MYO9A: variants seen among roughly 807,000 people sequenced by gnomAD.
The protein encoded by MYO9A is myosin IXA.
A neutral mutation model predicts 293.3 loss-of-function variants in MYO9A; 103 were observed. The ratio of observed to expected loss-of-function variants is 0.35; its 90% confidence interval spans 0.30 to 0.41. The LOEUF is 0.41. Ranked by LOEUF, MYO9A falls within the 10% of genes least tolerant of loss-of-function variation. The pLI, the probability that MYO9A is intolerant of heterozygous loss-of-function variation, is 1.00. For missense variants in MYO9A, 2,685 were observed against 3,033.0 expected (o/e 0.89, Z 2.69); for synonymous variants, 1,001 against 1,035.7 (o/e 0.97, Z 0.64).
chr15:71,851,186 T>A, intron 37 of MYO9A, 67 bp downstream of exon 37: 2 of 1,243,890 alleles, frequency 1.6e-6, no homozygotes, highest in Admixed American at 4.0e-5. Flanking sequence ...AATGGAGAAA[T>A]TCCTTATCTA....
At chr15:71,998,312 G>A (rs1221136626) in intron 9 of MYO9A, among the ~76,000 whole-genome samples, 1 of 152,080 alleles carries the variant, frequency 6.6e-6, no homozygotes, top group Non-Finnish European at 1.5e-5. Context: ...AGAATGGGAG[G>A]AGGGAGAGGA....
intron 1 of MYO9A, among the ~76,000 whole-genome samples, chr15:72,098,093 C>T (rs535648088): frequency 1.3e-5 from 2 of 152,234 alleles, no homozygotes; most frequent in East Asian, 3.9e-4. Context: ...CCATCCCACA[C>T]ATACTTTTAC....
At chr15:71,940,035 A>G (rs1030173423) in intron 15 of MYO9A, among the ~76,000 whole-genome samples, 3 of 152,214 alleles carry the variant, frequency 2.0e-5, no homozygotes, top group African/African-American at 7.2e-5. Flanking sequence ...GTTCAAGACA[A>G]GCTGGGCAAC....
chr15:71,870,944 A>G (rs991124561), intron 32 of MYO9A, among the ~76,000 whole-genome samples: 8 of 152,234 alleles, frequency 5.3e-5, no homozygotes, highest in Non-Finnish European at 8.8e-5. Context: ...GAAATATATC[A>G]TTCAACAGTG....
intron 11 of MYO9A, among the ~76,000 whole-genome samples, chr15:71,982,966 CTTT>C (rs1022969968): frequency 1.3e-5 from 2 of 152,024 alleles, no homozygotes; most frequent in African/African-American, 4.8e-5. Flanking sequence ...GCTACAACTG[CTTT>C]TTTTCTTAAG....
chr15:71,859,918 GACAT>G (rs1373767350), intron 33 of MYO9A, 122 bp from the exon 34 acceptor site: 2 of 716,190 alleles, frequency 2.8e-6, no homozygotes, highest in Admixed American at 4.9e-5. Flanking sequence ...GCTGTAATAT[GACAT>G]ACATACTTTG....
At chr15:71,846,089 A>G (rs1420328293) in intron 39 of MYO9A, among the ~76,000 whole-genome samples, 1 of 152,208 alleles carries the variant, frequency 6.6e-6, no homozygotes, top group Non-Finnish European at 1.5e-5. Flanking sequence ...ACAGCTTCCC[A>G]TATGGTGTGA....
chr15:71,921,659 G>C (rs1176358767), intron 18 of MYO9A, among the ~76,000 whole-genome samples: 1 of 152,166 alleles, frequency 6.6e-6, no homozygotes, highest in Non-Finnish European at 1.5e-5. Context: ...TTAATAAAAA[G>C]TTGAAATGAA....
At chr15:72,037,256 TG>T (rs2078079112) in intron 2 of MYO9A, among the ~76,000 whole-genome samples, 1 of 28,036 alleles carries the variant, frequency 3.6e-5, no homozygotes, top group Admixed American at 5.8e-4. Flanking sequence ...AATAACAGAA[TG>T]GGGCAAAAAA....
At chr15:72,028,475 C>T (rs1431992396) in intron 3 of MYO9A, among the ~76,000 whole-genome samples, 1 of 150,908 alleles carries the variant, frequency 6.6e-6, no homozygotes, top group East Asian at 2.0e-4. Context: ...TGGAGAAACC[C>T]CATCACTACT....
chr15:71,966,021 C>T (rs947059665), intron 13 of MYO9A, among the ~76,000 whole-genome samples: 1 of 151,936 alleles, frequency 6.6e-6, no homozygotes, highest in Non-Finnish European at 1.5e-5. Context: ...GGATTACAGG[C>T]GTGCACCACC....
At chr15:71,862,675 G>A (rs1338219106) in intron 32 of MYO9A, 64 bp from the exon 33 acceptor site, 2 of 1,059,458 alleles carry the variant, frequency 1.9e-6, no homozygotes, top group Non-Finnish European at 2.9e-6. Context: ...CTAACGTGGT[G>A]GGAAATCCTT....
chr15:71,973,835 G>A (rs941376193), intron 12 of MYO9A, among the ~76,000 whole-genome samples: 2 of 152,318 alleles, frequency 1.3e-5, no homozygotes, highest in Non-Finnish European at 2.9e-5. Context: ...GCTGAGAAGC[G>A]CTAAATCTAG....
chr15:71,931,833 G>A (rs959312918), intron 18 of MYO9A, among the ~76,000 whole-genome samples: 17 of 152,126 alleles, frequency 1.1e-4, no homozygotes, highest in African/African-American at 3.9e-4. Context: ...CTTGTTTAGT[G>A]TAGAAGAACC....
chr15:71,928,816 T>G (rs1049986154), intron 18 of MYO9A, among the ~76,000 whole-genome samples: 1 of 151,712 alleles, frequency 6.6e-6, no homozygotes, highest in Non-Finnish European at 1.5e-5. Context: ...TCTAGTACTT[T>G]AGGAGGCCAA....
chr15:72,008,016 A>T, intron 7 of MYO9A, 64 bp from the exon 8 acceptor site: 1 of 1,539,456 alleles, frequency 6.5e-7, no homozygotes. Flanking sequence ...TTTCATTCTA[A>T]AATTCTAGTT....
At chr15:72,090,379 ATATT>A (rs142975807) in intron 1 of MYO9A, among the ~76,000 whole-genome samples, 2,354 of 152,300 alleles carry the variant, frequency 0.015, 28 homozygotes, top group South Asian at 0.029. Context: ...GATACAGTTA[ATATT>A]TATTAGAAAC....
intron 15 of MYO9A, among the ~76,000 whole-genome samples, chr15:71,948,026 G>A (rs1330246937): frequency 6.6e-6 from 1 of 152,098 alleles, no homozygotes; most frequent in Non-Finnish European, 1.5e-5. Context: ...GAGAAGGCGA[G>A]AGCACCAGAA....
chr15:71,906,007 C>T (rs1194566513), intron 19 of MYO9A, among the ~76,000 whole-genome samples: 2 of 151,880 alleles, frequency 1.3e-5, no homozygotes, highest in Non-Finnish European at 2.9e-5. Flanking sequence ...ATAAATTAAC[C>T]TTGGAGCACT....
Sources: gnomAD v4.1 joint callset for allele counts (sites outside exome capture counted in the v4.1 genomes callset) on GRCh38, gnomAD v4.1.1 for gene constraint, MANE v1.5 for transcripts, NCBI Gene and HGNC (gene_info 2026-07-23, HGNC 2026-07-21) for gene names.